Variants in CCDC146 observed in about 807,000 individuals in gnomAD.
CCDC146 encodes coiled-coil domain-containing protein 146.
In CCDC146, 92 loss-of-function variants were observed where a neutral mutation model predicts 119.3. The observed-to-expected ratio is 0.77, with a 90% CI of 0.65 to 0.92. The LOEUF is 0.92. Among genes scored for constraint, CCDC146 ranks in the 40% least tolerant of loss-of-function variants. The pLI is 0.00. For synonymous variants in CCDC146, 372 were observed against 371.8 expected (o/e 1.00, Z -0.01); for missense variants, 1,000 against 1,103.0 (o/e 0.91, Z 1.32).
At chr7:77,246,884 A>C (rs1204772779) in intron 4 of CCDC146, among the ~76,000 whole-genome samples, 2 of 152,226 alleles carry the variant, frequency 1.3e-5, no homozygotes, top group African/African-American at 4.8e-5. Flanking sequence ...AGATATGATA[A>C]ATTTAAAGCA....
Position 77,254,489 on chromosome 7 carries a change from ATT to A in CCDC146, c.450-6_450-5del, listed in dbSNP as rs112665383. ...ATTTCTTTGTACTTTTTCAAACTTG[ATT>A]TTTTTTTTTTGCAGCTTAAAGGAAG... On this transcript the variant is annotated splice_polypyrimidine_tract_variant and intron_variant, in intron 4 of 18. Coordinates refer to ENST00000285871, the MANE Select transcript of CCDC146 (RefSeq NM_020879.3). The A allele has an allele frequency of 2.5e-4, 264 of 1,076,530 alleles. No homozygotes were observed. Among genetic ancestry groups the A allele is most frequent in the East Asian group, 2.6e-4 (9 of 34,310 alleles). The allele number at this position is 1,076,530 out of a possible 1,614,324, so 66.7% of individuals were successfully genotyped here.
chr7:77,130,806 C>T (rs1009729061), intron 1 of CCDC146, among the ~76,000 whole-genome samples: 4 of 150,734 alleles, frequency 2.7e-5, no homozygotes, highest in Non-Finnish European at 5.9e-5. Context: ...ACCGTGTTAG[C>T]CAGGATGGTC....
chr7:77,196,822 A>G lies in CCDC146; in HGVS notation c.156+28998A>G, dbSNP rs778428328. ...ATGTTCTGGTGAAGTTGGTGCTCCC[A>G]TCGAGACGTGCCTGCAGCACTGTCC... On this transcript the variant is annotated intron_variant, in intron 2 of 18. Coordinates refer to ENST00000285871, the MANE Select transcript of CCDC146 (RefSeq NM_020879.3). This position sits in a 1 kb window ranked among gnomAD's most constrained non-coding sequence, Gnocchi z 4.2. 1.4e-5 allele frequency: 22 copies of G among 1,614,074 alleles called. No individual in the cohort carries two copies. Among genetic ancestry groups the G allele is most frequent in the Non-Finnish European group, 1.9e-5 (22 of 1,180,014 alleles).
chr7:77,264,549 C>T (rs74302367), intron 9 of CCDC146, among the ~76,000 whole-genome samples: 14,050 of 152,218 alleles, frequency 0.092, 1,200 homozygotes, highest in East Asian at 0.42. Context: ...TGCGAGCCAC[C>T]GCACCCAGCC....
intron 17 of CCDC146, among the ~76,000 whole-genome samples, chr7:77,288,915 G>A (rs190616064): frequency 6.6e-6 from 1 of 152,328 alleles, no homozygotes; most frequent in Admixed American, 6.5e-5. Context: ...TTCTGTTCTA[G>A]AAGCACATGT....
chr7:77,203,914 A>T (rs1199804190), intron 2 of CCDC146, among the ~76,000 whole-genome samples: 2 of 152,186 alleles, frequency 1.3e-5, no homozygotes, highest in Non-Finnish European at 2.9e-5. Context: ...GTCTATATTC[A>T]CATGTTCAGA....
At chr7:77,169,699 C>T (rs1791388895) in intron 2 of CCDC146, among the ~76,000 whole-genome samples, 1 of 152,192 alleles carries the variant, frequency 6.6e-6, no homozygotes, top group African/African-American at 2.4e-5. Context: ...GGTAGGCTCA[C>T]TTGTCCTTCT....
chr7:77,237,185 A>G (rs1792754228), intron 3 of CCDC146, 156 bp downstream of exon 3: 1 of 618,278 alleles, frequency 1.6e-6, no homozygotes. Context: ...GCATCGTGAG[A>G]GAGTGGGGAA....
intron 17 of CCDC146, among the ~76,000 whole-genome samples, chr7:77,288,292 G>A (rs964718229): frequency 6.6e-6 from 1 of 152,224 alleles, no homozygotes; most frequent in Non-Finnish European, 1.5e-5. Context: ...TTGCATTGCT[G>A]TAAAGGAATA....
chr7:77,282,606 A>C lies in CCDC146; in HGVS notation c.1969A>C (p.Lys657Gln). The change falls in exon 15 of 19, where the codon AAA (lysine) becomes CAA (glutamine). Residue 657 changes from lysine to glutamine, a missense_variant. Lys to Gln is a moderately conservative substitution (Grantham distance 53). Transcript: ENST00000285871. ...AGAAGAAATATGCATTTTTTATGAA[A>C]AAATAAATATCCAAGAGAAGATGAA... Reference protein sequence around the residue: ...REEEICIFYEKINIQEKMKLN... With the variant: ...REEEICIFYEQINIQEKMKLN... 1 of 1,612,536 alleles carries C rather than the reference A, an allele frequency of 6.2e-7. No individual in the cohort carries two copies.
At chr7:77,193,904 G>A (rs1439414424) in intron 2 of CCDC146, 2 of 152,432 alleles carry the variant, frequency 1.3e-5, no homozygotes, top group East Asian at 3.8e-4. Context: ...AATAGTTAAG[G>A]CAAAAGGTTC....
chr7:77,243,398 C>G lies in CCDC146; in HGVS notation c.449+1498C>G, dbSNP rs1048633097. ...TCATTCTTAAGCTTGAGAAGATTCC[C>G]TTGCATTCTCAAATATTAACAGCTC... On this transcript the variant is annotated intron_variant, in intron 4 of 18. Transcript: ENST00000285871. 1.1e-4 allele frequency among the ~76,000 whole-genome samples: 17 copies of G among 152,278 alleles called. 5 individuals are homozygous for G. Among genetic ancestry groups the G allele is most frequent in the Admixed American group, 6.5e-5 (1 of 15,294 alleles).
intron 2 of CCDC146, among the ~76,000 whole-genome samples, chr7:77,236,156 T>C (rs1351004698): frequency 6.6e-6 from 1 of 152,204 alleles, no homozygotes; most frequent in Non-Finnish European, 1.5e-5. Flanking sequence ...ATACTGTCAC[T>C]AGCAGTTGAA....
At chr7:77,149,586 T>C (rs1453645930) in intron 1 of CCDC146, among the ~76,000 whole-genome samples, 1 of 151,964 alleles carries the variant, frequency 6.6e-6, no homozygotes, top group Non-Finnish European at 1.5e-5. Flanking sequence ...TTCAACATCA[T>C]GAAACCCCAT....
intron 1 of CCDC146, among the ~76,000 whole-genome samples, chr7:77,164,691 A>T (rs549176101): frequency 6.6e-6 from 1 of 152,332 alleles, no homozygotes; most frequent in African/African-American, 2.4e-5. Context: ...GAAACATAAA[A>T]ATTAGTTGTT....
intron 4 of CCDC146, among the ~76,000 whole-genome samples, chr7:77,249,047 T>C (rs1240045276): frequency 6.6e-6 from 1 of 152,220 alleles, no homozygotes; most frequent in Non-Finnish European, 1.5e-5. Context: ...GACTATGTCC[T>C]TAACTGATCT....
At position 77,196,375 on chromosome 7, in the gene CCDC146, AC is replaced by A; in HGVS notation, c.156+28555del. ...GTGCCTCACTTACACCAGGCCAGGT[AC>A]CCCAGAAAATCCCATTACGGACACC... On this transcript the variant is annotated intron_variant, in intron 2 of 18. Coordinates refer to ENST00000285871, the MANE Select transcript of CCDC146 (RefSeq NM_020879.3). The surrounding 1 kb of genome is among the most constrained non-coding windows in gnomAD (Gnocchi z 4.2). The A allele has an allele frequency of 6.2e-7, 1 of 1,614,118 alleles. No homozygotes were observed. The highest frequency in any genetic ancestry group is 8.5e-7 in the Non-Finnish European group (1 of 1,180,010).
rs970628647 is a variant in CCDC146, at chr7:77,294,684, C to T, written c.2686C>T (p.Arg896Cys). ...GCAGGAGTTCTTGGAAGCAGATAAT[C>T]GCCAGCTGCCCAATGGTGTTTACAC... ...KSQEFLEADN[R>C]QLPNGVYTTA... The change falls in exon 19 of 19, where the codon CGC becomes TGC. Residue 896 changes from arginine (R) to cysteine (C), a missense_variant. By Grantham distance (180) the Arg-to-Cys change is radical. This residue lies in a region of CCDC146 where 985 missense variants were observed against 1,045.3 expected (regional missense o/e 0.94). Transcript: ENST00000285871. 11 of 1,613,986 alleles carry T rather than the reference C, an allele frequency of 6.8e-6. No homozygotes were observed. The highest frequency in any genetic ancestry group is 5.0e-5 in the Admixed American group (3 of 59,996).
chr7:77,295,141 C>A lies in CCDC146; in HGVS notation c.*275C>A. ...TTTCACTCTTTATATTGAGTACATT[C>A]CAGAAATTTGTAGTAGGCAAGGTGC... On this transcript the variant is annotated 3_prime_UTR_variant, in exon 19 of 19. Transcript: ENST00000285871. 3.3e-6 allele frequency: 1 copy of A among 302,130 alleles called. No individual in the cohort carries two copies. Among genetic ancestry groups the A allele is most frequent in the Non-Finnish European group, 6.2e-6 (1 of 161,394 alleles). The allele number at this position is 302,130 out of a possible 1,614,324, so 18.7% of individuals were successfully genotyped here.
Sources: gnomAD v4.1 joint callset for allele counts (sites outside exome capture counted in the v4.1 genomes callset) on GRCh38, gnomAD v4.1.1 for gene constraint, gnomAD v4.1.1 regional missense constraint, Gnocchi (gnomAD v3.1) non-coding constraint, MANE v1.5 for transcripts, NCBI Gene and HGNC (gene_info 2026-07-23, HGNC 2026-07-21) for gene names.